The following PLCH1 variants were observed in gnomAD, a reference collection of about 807,000 sequenced individuals.
The protein encoded by PLCH1 is phospholipase C eta 1.
A neutral mutation model predicts 126.7 loss-of-function variants in PLCH1; 60 were observed. The observed-to-expected ratio is 0.47, with a 90% CI of 0.38 to 0.59. The LOEUF (loss-of-function observed/expected upper bound fraction) is 0.59. Among genes scored for constraint, PLCH1 ranks in the 20% least tolerant of loss-of-function variants. PLCH1 has a pLI of 0.00. For synonymous variants in PLCH1, 719 were observed against 734.9 expected, an observed-to-expected ratio of 0.98 and a Z score of 0.35; for missense variants, 1,723 against 2,040.0, an observed-to-expected ratio of 0.84 and a Z score of 2.99.
chr3:155,605,386 A>T (rs1213612980), intron 2 of PLCH1, among the ~76,000 whole-genome samples: 1 of 152,200 alleles, frequency 6.6e-6, no homozygotes, highest in Admixed American at 6.5e-5. Context: ...GTATGATTTT[A>T]AAAAATAAAA....
chr3:155,530,211 C>T (rs1287093679), intron 10 of PLCH1, among the ~76,000 whole-genome samples: 1 of 152,178 alleles, frequency 6.6e-6, no homozygotes, highest in East Asian at 1.9e-4. Flanking sequence ...CTTCCTAATG[C>T]TTTATCAACT....
Position 155,711,110 on chromosome 3 carries a change from T to G in PLCH1, c.-40-6846A>C, listed in dbSNP as rs565429541. Among the ~76,000 whole-genome samples the G allele has an allele frequency of 3.3e-5, 5 of 152,136 alleles. No individual in the cohort carries two copies. The East Asian group carries it at 7.7e-4, about 23-fold the overall frequency. On this transcript the variant is annotated intron_variant, in intron 1 of 22. Coordinates refer to ENST00000460012, the MANE Select transcript of PLCH1 (RefSeq NM_014996.4). ...ATAAATGTGATTTGAAAAAGAAATT[T>G]TAATGGACTCTACTCAAAGACACCA...
At chr3:155,539,383 T>C (rs1168184448) in intron 10 of PLCH1, among the ~76,000 whole-genome samples, 1 of 152,084 alleles carries the variant, frequency 6.6e-6, no homozygotes, top group Non-Finnish European at 1.5e-5. Context: ...CTGTTCAACA[T>C]AGTACTGGAA....
At chr3:155,590,761 C>T (rs1377923601) in intron 4 of PLCH1, among the ~76,000 whole-genome samples, 1 of 152,064 alleles carries the variant, frequency 6.6e-6, no homozygotes, top group Non-Finnish European at 1.5e-5. Context: ...AACAAACAAA[C>T]AAACAAACAA....
At chr3:155,711,950 A>C (rs575950023) in intron 1 of PLCH1, among the ~76,000 whole-genome samples, 1 of 152,220 alleles carries the variant, frequency 6.6e-6, no homozygotes, top group East Asian at 1.9e-4. Flanking sequence ...AGAGAAATGG[A>C]AACAAACCAA....
rs1000744915 is a variant in PLCH1 at position 155,665,478 on chromosome 3, G to A, written c.79+38668C>T. On this transcript the variant is annotated intron_variant, in intron 2 of 22. Transcript: ENST00000460012. The stretch of plus-strand genomic sequence containing the variant: ...CAAGAAAGAAGAAATTGTTCTACAT[G>A]GTTAAATAGTAAACTAGCAAGGTAG... 3.9e-5 allele frequency among the ~76,000 whole-genome samples: 6 copies of A among 152,148 alleles called. No individual in the cohort carries two copies. The East Asian group carries it at 1.2e-3, about 29-fold the overall frequency.
Position 155,494,058 on chromosome 3 carries a change from C to T in PLCH1, c.2182+83G>A. ...ACTCTGGGGTATCACACTTTCTAAA[C>T]AGCTTCCTTAATAAAGGTTGCCTGC... On this transcript the variant is annotated intron_variant, in intron 17 of 22. Coordinates refer to ENST00000460012, the MANE Select transcript of PLCH1 (RefSeq NM_014996.4). 2.8e-6 allele frequency: 3 copies of T among 1,071,806 alleles called. No homozygotes were observed. In the South Asian group the frequency reaches 3.9e-5, roughly 14 times the overall value. The allele number at this position is 1,071,806 out of a possible 1,614,324, so 66.4% of individuals were successfully genotyped here.
chr3:155,585,625 G>A (rs1464356783), intron 5 of PLCH1, among the ~76,000 whole-genome samples: 2 of 152,178 alleles, frequency 1.3e-5, no homozygotes, highest in African/African-American at 2.4e-5. Context: ...AATGGCAGGA[G>A]TGAATTGCCC....
chr3:155,458,091 C>T (rs141964081), intron 21 of PLCH1, among the ~76,000 whole-genome samples: 35 of 152,148 alleles, frequency 2.3e-4, no homozygotes, highest in African/African-American at 6.5e-4. Context: ...CCTGTAGTCC[C>T]GGCACTCTGG....
At chr3:155,628,555 T>C (rs1454811092) in intron 2 of PLCH1, among the ~76,000 whole-genome samples, 50 of 148,094 alleles carry the variant, frequency 3.4e-4, no homozygotes, top group African/African-American at 7.4e-4. Context: ...CTCTCTTTTT[T>C]TTTTTTTTTT....
chr3:155,672,587 T>C (rs893227017), intron 2 of PLCH1, among the ~76,000 whole-genome samples: 7 of 152,222 alleles, frequency 4.6e-5, no homozygotes, highest in African/African-American at 1.7e-4. Context: ...TCTAACTTCT[T>C]GGAGAAATCA....
chr3:155,512,094 A>C (rs2082837), intron 12 of PLCH1, among the ~76,000 whole-genome samples: 1 of 148,196 alleles, frequency 6.7e-6, no homozygotes, highest in African/African-American at 2.5e-5. Flanking sequence ...CGCAATATTC[A>C]GGTGGGAGTG....
In PLCH1 at chr3:155,730,973, C is replaced by T. The variant is rs566761284; in HGVS notation, c.-41+13867G>A. On this transcript the variant is annotated intron_variant, in intron 1 of 22. Coordinates refer to ENST00000460012, the MANE Select transcript of PLCH1 (RefSeq NM_014996.4). ...GCCTGCACAATTCCAGACTCCAGAC[C>T]GGTAACCATGGACTGAGCCTCCAGG... Among the ~76,000 whole-genome samples, 7 of 152,328 alleles carry T rather than the reference C, an allele frequency of 4.6e-5. No individual in the cohort carries two copies. The South Asian group carries it at 6.2e-4, about 14-fold the overall frequency.
chr3:155,699,629 G>A (rs1200711870), intron 2 of PLCH1, among the ~76,000 whole-genome samples: 1 of 152,102 alleles, frequency 6.6e-6, no homozygotes, highest in Non-Finnish European at 1.5e-5. Flanking sequence ...ATTCACTTTT[G>A]CATAATTTCA....
At chr3:155,677,110 A>T (rs142578293) in intron 2 of PLCH1, among the ~76,000 whole-genome samples, 1 of 152,320 alleles carries the variant, frequency 6.6e-6, no homozygotes, top group African/African-American at 2.4e-5. Context: ...CTCTCATTCC[A>T]GCATTCCCTT....
rs558076996 is a variant in PLCH1 at position 155,678,009 on chromosome 3, T to A, written c.79+26137A>T. On this transcript the variant is annotated intron_variant, in intron 2 of 22. Transcript: ENST00000460012. Reference sequence around the variant, plus strand: ...CATGCCCAAAAAGCAAGAGGCATCTTGGGTTTATCTCTTGCTCGGTCCTGA... The same window carrying A: ...CATGCCCAAAAAGCAAGAGGCATCTAGGGTTTATCTCTTGCTCGGTCCTGA... Among the ~76,000 whole-genome samples the A allele has an allele frequency of 9.8e-4, 149 of 152,312 alleles. 1 individual carries two copies. The highest frequency in any genetic ancestry group is 3.4e-3 in the Middle Eastern group (1 of 294).
intron 2 of PLCH1, among the ~76,000 whole-genome samples, chr3:155,667,881 A>G (rs1435884620): frequency 2.1e-5 from 3 of 141,022 alleles, no homozygotes; most frequent in Non-Finnish European, 4.6e-5. Context: ...CCTGGCCAAC[A>G]TGGCGAAACC....
chr3:155,607,286 T>C (rs1257623248), intron 2 of PLCH1, among the ~76,000 whole-genome samples: 1 of 152,152 alleles, frequency 6.6e-6, no homozygotes, highest in Non-Finnish European at 1.5e-5. Context: ...GTCTGTGTAT[T>C]TATATGCGTT....
At chr3:155,564,667 T>C (rs1399368645) in intron 8 of PLCH1, among the ~76,000 whole-genome samples, 1 of 152,250 alleles carries the variant, frequency 6.6e-6, no homozygotes, top group Non-Finnish European at 1.5e-5. Flanking sequence ...AAGACTTTAA[T>C]TTTCATCATA....
Sources: gnomAD v4.1 joint callset for allele counts (sites outside exome capture counted in the v4.1 genomes callset) on GRCh38, gnomAD v4.1.1 for gene constraint, MANE v1.5 for transcripts, NCBI Gene and HGNC (gene_info 2026-07-23, HGNC 2026-07-21) for gene names.